The following HS1BP3 variants were observed in gnomAD, a reference collection of about 807,000 sequenced individuals.
The protein encoded by HS1BP3 is HCLS1-binding protein 3.
A neutral mutation model predicts 33.5 loss-of-function variants in HS1BP3; 32 were observed. The observed-to-expected ratio is 0.95, with a 90% CI of 0.72 to 1.28. The LOEUF (loss-of-function observed/expected upper bound fraction) is 1.28, where lower values mean the gene tolerates loss of function less well. Ranked by LOEUF, HS1BP3 falls within the 50% of genes most tolerant of loss-of-function variation. The pLI, the probability that HS1BP3 is intolerant of heterozygous loss-of-function variation, is 0.00. For synonymous variants in HS1BP3, 187 were observed against 209.2 expected (o/e 0.89, Z 0.92); for missense variants, 486 against 502.3 (o/e 0.97, Z 0.31).
chr2:20,559,121 G>C (rs1692912037), downstream of HS1BP3, among the ~76,000 whole-genome samples: 1 of 152,298 alleles, frequency 6.6e-6, no homozygotes, highest in Middle Eastern at 3.4e-3. Context: ...CAACTTCTTT[G>C]TCAATGTAGG....
At chr2:20,596,680 C>T (rs1201666527) in intron 3 of HS1BP3, among the ~76,000 whole-genome samples, 1 of 152,164 alleles carries the variant, frequency 6.6e-6, no homozygotes, top group South Asian at 2.1e-4. Flanking sequence ...TATCTCTTCC[C>T]CCCACCCACA....
At chr2:20,587,645 C>T (rs1693713133), downstream of HS1BP3, among the ~76,000 whole-genome samples, 1 of 152,098 alleles carries the variant, frequency 6.6e-6, no homozygotes, top group African/African-American at 2.4e-5. Flanking sequence ...ACTCGGGAGG[C>T]CGAGGCAGGA....
downstream of HS1BP3, among the ~76,000 whole-genome samples, chr2:20,558,735 A>G (rs1352995450): frequency 6.6e-6 from 1 of 152,186 alleles, no homozygotes; most frequent in African/African-American, 2.4e-5. Context: ...CTGCAGTGGT[A>G]GAGACACTGG....
At chr2:20,637,984 G>C (rs765803271) in intron 4 of HS1BP3, 1 of 231,074 alleles carries the variant, frequency 4.3e-6, no homozygotes, top group Non-Finnish European at 8.4e-6. Context: ...GAGATGTATG[G>C]CTGGTGAATG....
At chr2:20,593,048 C>T (rs956860831) in intron 3 of HS1BP3, among the ~76,000 whole-genome samples, 5 of 152,122 alleles carry the variant, frequency 3.3e-5, no homozygotes, top group Admixed American at 2.6e-4. Flanking sequence ...TCCAACCTCC[C>T]GCTGTCTACC....
downstream of HS1BP3, among the ~76,000 whole-genome samples, chr2:20,615,440 A>C (rs80111761): frequency 0.065 from 9,923 of 152,310 alleles, 383 homozygotes; most frequent in African/African-American, 0.11. Flanking sequence ...GGTGCTGAGC[A>C]GGGAATGGTT....
Position 20,618,605 on chromosome 2 carries a change from CTGGCAGAACCCG to C in HS1BP3, c.*370_*381del. On this transcript the variant is annotated 3_prime_UTR_variant, in exon 7 of 7. Transcript: ENST00000304031. ...GCCCCAGTTTGGGTCTGTGCTGGGG[CTGGCAGAACCCG>C]TGGGCATGAAGCTTCCCTGCCCCAT... 1.4e-6 allele frequency: 1 copy of C among 726,634 alleles called. No homozygotes were observed. Among genetic ancestry groups the C allele is most frequent in the Non-Finnish European group, 1.7e-6 (1 of 573,220 alleles). The allele number at this position is 726,634 out of a possible 1,614,324, so 45.0% of individuals were successfully genotyped here. A position where few individuals can be genotyped will look rare whatever the true frequency, so the allele number is the denominator to read the frequency against.
At chr2:20,575,024 C>T (rs919636672) in intron 5 of HS1BP3, among the ~76,000 whole-genome samples, 17 of 152,156 alleles carry the variant, frequency 1.1e-4, no homozygotes, top group Admixed American at 7.9e-4. Context: ...TTATTACTGG[C>T]GTAAAAAGAA....
chr2:20,591,166 G>A (rs1693803973), downstream of HS1BP3: 2 of 167,166 alleles, frequency 1.2e-5, no homozygotes, highest in South Asian at 4.1e-4. Flanking sequence ...GGCGGAATCA[G>A]AGCCTGCCCC....
downstream of HS1BP3, among the ~76,000 whole-genome samples, chr2:20,616,481 G>C (rs1489226924): frequency 1.3e-5 from 2 of 152,226 alleles, no homozygotes; most frequent in African/African-American, 2.4e-5. Context: ...AGACCTGAAA[G>C]GGCCCCAGGG....
intron 6 of HS1BP3, among the ~76,000 whole-genome samples, chr2:20,620,520 C>G (rs2149290022): frequency 6.6e-6 from 1 of 152,324 alleles, no homozygotes; most frequent in East Asian, 1.9e-4. Context: ...TCGGCTTCCT[C>G]ATCTACAAGC....
intron 1 of HS1BP3, among the ~76,000 whole-genome samples, chr2:20,645,954 T>TG (rs931925660): frequency 1.6e-4 from 24 of 152,050 alleles, no homozygotes; most frequent in African/African-American, 4.1e-4. Flanking sequence ...ACAGGCCCCC[T>TG]GGGGGGGACA....
At chr2:20,555,486 G>A (rs1251609697), downstream of HS1BP3, among the ~76,000 whole-genome samples, 1 of 152,142 alleles carries the variant, frequency 6.6e-6, no homozygotes, top group Non-Finnish European at 1.5e-5. Context: ...CATGAAGCCA[G>A]CCCTCACTAT....
intron 4 of HS1BP3, 94 bp from the exon 5 acceptor site, chr2:20,624,986 AG>A: frequency 1.4e-6 from 2 of 1,447,050 alleles, no homozygotes; most frequent in Non-Finnish European, 1.9e-6. Context: ...CCTGCAGTGG[AG>A]GGGCTGGATG....
chr2:20,604,971 C>T (rs961703216), intron 2 of HS1BP3, among the ~76,000 whole-genome samples: 2 of 152,166 alleles, frequency 1.3e-5, no homozygotes, highest in South Asian at 4.1e-4. Flanking sequence ...TAAAGTCCCA[C>T]GGGAGAAAAG....
intron 3 of HS1BP3, among the ~76,000 whole-genome samples, chr2:20,593,386 G>A (rs1693865113): frequency 4.6e-5 from 7 of 152,008 alleles, no homozygotes; most frequent in Admixed American, 4.6e-4. Context: ...TGTCAGTTTT[G>A]TTCACTGCTG....
In HS1BP3 at chr2:20,573,266, G is replaced by A. The variant is rs1052712033; in HGVS notation, c.303-12751C>T. On this transcript the variant is annotated intron_variant, in intron 5 of 5. Transcript: ENST00000446825. Reference sequence around the variant, plus strand: ...GAGGGGCAAAGCATTCTCCCCGAGAGCCTTCAGAGGGAGCATGGGCCTGCT... The same window carrying A: ...GAGGGGCAAAGCATTCTCCCCGAGAACCTTCAGAGGGAGCATGGGCCTGCT... 3.3e-5 allele frequency among the ~76,000 whole-genome samples: 5 copies of A among 152,274 alleles called. No individual in the cohort carries two copies. The South Asian group carries it at 6.2e-4, about 19-fold the overall frequency.
intron 4 of HS1BP3, among the ~76,000 whole-genome samples, chr2:20,626,271 G>A (rs12710742): frequency 0.63 from 95,349 of 152,234 alleles, 30,549 homozygotes; most frequent in Non-Finnish European, 0.72. Flanking sequence ...CCGAGGCGAG[G>A]AGAAACTATG....
At chr2:20,625,538 C>G (rs192369604) in intron 4 of HS1BP3, among the ~76,000 whole-genome samples, 36 of 152,328 alleles carry the variant, frequency 2.4e-4, no homozygotes, top group African/African-American at 8.4e-4. Context: ...TTGGTAAGTG[C>G]CTTATTGTTT....
Sources: gnomAD v4.1 joint callset for allele counts (sites outside exome capture counted in the v4.1 genomes callset) on GRCh38, gnomAD v4.1.1 for gene constraint, MANE v1.5 for transcripts, NCBI Gene and HGNC (gene_info 2026-07-23, HGNC 2026-07-21) for gene names.